AOPEP: variants seen among roughly 807,000 people sequenced by gnomAD.
AOPEP encodes aminopeptidase O (putative), also known as aminopeptidase O.
Under a neutral mutation model 98.1 loss-of-function variants are expected in AOPEP, and 77 were observed. That is an observed-to-expected ratio of 0.78 (90% CI 0.65 to 0.95). The LOEUF is 0.95. Among genes scored for constraint, AOPEP ranks in the 40% least tolerant of loss-of-function variants. The pLI is 0.00. For synonymous variants in AOPEP, 346 were observed against 365.3 expected (o/e 0.95, Z 0.60); for missense variants, 1,024 against 1,024.7 (o/e 1.00, Z 0.01).
chr9:95,058,627 G>A (rs2133892687), intron 13 of AOPEP, among the ~76,000 whole-genome samples: 1 of 152,310 alleles, frequency 6.6e-6, no homozygotes, highest in South Asian at 2.1e-4. Context: ...GTGTTTGTGG[G>A]GTAGAGCAGG....
intron 14 of AOPEP, among the ~76,000 whole-genome samples, chr9:95,080,310 G>A (rs770175841): frequency 5.3e-5 from 8 of 152,104 alleles, no homozygotes; most frequent in African/African-American, 9.7e-5. Flanking sequence ...GGCGGATCAC[G>A]AGGTGAGGAG....
chr9:94,802,703 G>T (rs1284637543), intron 5 of AOPEP, among the ~76,000 whole-genome samples: 2 of 152,210 alleles, frequency 1.3e-5, no homozygotes, highest in South Asian at 2.1e-4. Context: ...AAAAGCAGGA[G>T]AACCGTATAT....
In AOPEP at chr9:95,010,483, C is replaced by A. The variant is rs115279107; in HGVS notation, c.2115+4867C>A. ...TTTGTAGGAACTACCCCGCTTTCAG[C>A]AAATAGTAGGCTTAGGCAGCCACTC... is the stretch of plus-strand genomic sequence containing the variant. On this transcript the variant is annotated intron_variant, in intron 13 of 16. Coordinates refer to ENST00000375315, the MANE Select transcript of AOPEP (RefSeq NM_001193329.3). 2.4e-3 allele frequency among the ~76,000 whole-genome samples: 365 copies of A among 152,306 alleles called. 2 individuals carry two copies. Among genetic ancestry groups the A allele is most frequent in the African/African-American group, 8.6e-3 (356 of 41,548 alleles).
intron 11 of AOPEP, among the ~76,000 whole-genome samples, chr9:94,997,580 A>G (rs1285281874): frequency 1.3e-5 from 2 of 152,218 alleles, no homozygotes; most frequent in African/African-American, 4.8e-5. Flanking sequence ...TGTGAACCTA[A>G]GTGGTCACCT....
At position 94,745,479 on chromosome 9, in the gene AOPEP, G is replaced by C. The variant is rs147790741; in HGVS notation, c.-135-14170G>C. On this transcript the variant is annotated intron_variant, in intron 1 of 16. Coordinates refer to ENST00000375315, the MANE Select transcript of AOPEP (RefSeq NM_001193329.3). ...TTTAGTAGAGACGGGGTTTCACCGT[G>C]TTAGCCAGGTTGGTCTCGATCTCCT... 2.5e-3 allele frequency among the ~76,000 whole-genome samples: 383 copies of C among 152,112 alleles called. 3 individuals carry two copies. Among genetic ancestry groups the C allele is most frequent in the East Asian group, 0.017 (86 of 5,160 alleles).
At chr9:94,782,233 C>T (rs905811783) in intron 3 of AOPEP, among the ~76,000 whole-genome samples, 2 of 152,058 alleles carry the variant, frequency 1.3e-5, no homozygotes, top group African/African-American at 4.8e-5. Context: ...TACTCTGCTT[C>T]TGTTTTTTGT....
intron 13 of AOPEP, among the ~76,000 whole-genome samples, chr9:95,046,788 A>G (rs1037617135): frequency 6.6e-6 from 1 of 152,224 alleles, no homozygotes; most frequent in Non-Finnish European, 1.5e-5. Context: ...TTTACTTCCC[A>G]GACACCTGAT....
intron 13 of AOPEP, among the ~76,000 whole-genome samples, chr9:95,049,351 T>A (rs2066137963): frequency 1.3e-5 from 2 of 152,228 alleles, no homozygotes; most frequent in Non-Finnish European, 2.9e-5. Flanking sequence ...GGAGCATTTT[T>A]AAAAGTTTTT....
chr9:94,860,445 G>T (rs1311403883), intron 5 of AOPEP, among the ~76,000 whole-genome samples: 2 of 152,162 alleles, frequency 1.3e-5, no homozygotes, highest in Non-Finnish European at 2.9e-5. Context: ...GTTTTGACAA[G>T]ATTGCTCAGG....
At chr9:94,836,078 C>T (rs956084909) in intron 5 of AOPEP, among the ~76,000 whole-genome samples, 6 of 75,288 alleles carry the variant, frequency 8.0e-5, no homozygotes, top group Non-Finnish European at 1.6e-4. Flanking sequence ...TTTTTGTTTC[C>T]TGCTTGTGTG....
intron 14 of AOPEP, among the ~76,000 whole-genome samples, chr9:95,076,748 G>A (rs917545296): frequency 3.3e-5 from 5 of 152,252 alleles, no homozygotes; most frequent in African/African-American, 1.2e-4. Flanking sequence ...GCATAGGGAT[G>A]AGGGGAAGAC....
intron 1 of AOPEP, among the ~76,000 whole-genome samples, chr9:94,744,337 G>T (rs1171607171): frequency 6.6e-6 from 1 of 152,086 alleles, no homozygotes; most frequent in Non-Finnish European, 1.5e-5. Context: ...GCTTGGCAGT[G>T]AGCCGAGATC....
At chr9:94,852,944 A>G (rs1389614994) in intron 5 of AOPEP, among the ~76,000 whole-genome samples, 1 of 152,166 alleles carries the variant, frequency 6.6e-6, no homozygotes, top group African/African-American at 2.4e-5. Flanking sequence ...GCCAATTCCA[A>G]AAAATAGCTC....
intron 5 of AOPEP, among the ~76,000 whole-genome samples, chr9:94,883,391 A>C (rs1311097126): frequency 6.6e-6 from 1 of 152,224 alleles, no homozygotes; most frequent in African/African-American, 2.4e-5. Context: ...CCAAAAAAAG[A>C]AAAAGGAAAA....
intron 5 of AOPEP, among the ~76,000 whole-genome samples, chr9:94,892,903 G>T (rs527571526): frequency 3.2e-4 from 49 of 152,162 alleles, no homozygotes; most frequent in African/African-American, 1.2e-3. Context: ...AGGTTGCCCA[G>T]GCTTGTCTTG....
intron 5 of AOPEP, chr9:94,920,152 C>T (rs1347430806): frequency 2.0e-5 from 3 of 152,112 alleles, no homozygotes; most frequent in Admixed American, 2.0e-4. Context: ...GAAGAAACCC[C>T]ATCTCTACTA....
intron 5 of AOPEP, among the ~76,000 whole-genome samples, chr9:94,868,952 G>T (rs886664329): frequency 6.6e-6 from 1 of 152,176 alleles, no homozygotes; most frequent in Admixed American, 6.5e-5. Context: ...TTTTTGGCCA[G>T]GCATGGGGGC....
chr9:94,915,653 C>G (rs1216364141), intron 5 of AOPEP, among the ~76,000 whole-genome samples: 1 of 152,238 alleles, frequency 6.6e-6, no homozygotes, highest in African/African-American at 2.4e-5. Context: ...TGTCAGCCGG[C>G]AGTGCCTCTG....
At chr9:95,135,432 C>T in the AOPEP span, 3 of 1,613,928 alleles carry the variant, frequency 1.9e-6, no homozygotes, top group South Asian at 1.1e-5. Flanking sequence ...TGCAGCATTG[C>T]TTTTTCAAGG....
Sources: allele counts gnomAD v4.1 joint callset (sites outside exome capture counted in the v4.1 genomes callset), GRCh38; gene constraint gnomAD v4.1.1; transcripts MANE v1.5; gene names NCBI Gene and HGNC (gene_info 2026-07-23, HGNC 2026-07-21).